The following ERBB4 variants were observed in gnomAD, a reference collection of about 807,000 sequenced individuals.
ERBB4 encodes receptor tyrosine-protein kinase erbB-4.
ERBB4 carries 42 observed loss-of-function variants against 158.0 expected under a neutral mutation model. The observed-to-expected ratio is 0.27, with a 90% CI of 0.21 to 0.34. The LOEUF (loss-of-function observed/expected upper bound fraction) is 0.34. ERBB4 is among the 10% of genes least tolerant of loss of function. The pLI, the probability that ERBB4 is intolerant of heterozygous loss-of-function variation, is 1.00. For synonymous variants in ERBB4, 583 were observed against 558.7 expected, an observed-to-expected ratio of 1.04 and a Z score of -0.61; for missense variants, 1,333 against 1,624.1, an observed-to-expected ratio of 0.82 and a Z score of 3.08.
chr2:211,443,619 G>A (rs891449553), intron 20 of ERBB4, among the ~76,000 whole-genome samples: 1 of 152,004 alleles, frequency 6.6e-6, no homozygotes, highest in African/African-American at 2.4e-5. Context: ...ACCCATTCCT[G>A]TTTATCATTG....
intron 2 of ERBB4, among the ~76,000 whole-genome samples, chr2:211,976,301 C>G (rs866141734): frequency 6.6e-6 from 1 of 152,272 alleles, no homozygotes; most frequent in East Asian, 1.9e-4. Context: ...CTTAATTGTT[C>G]AGTGATAAAG....
At chr2:212,236,115 G>C (rs961672650) in intron 1 of ERBB4, among the ~76,000 whole-genome samples, 31 of 152,174 alleles carry the variant, frequency 2.0e-4, no homozygotes, top group African/African-American at 7.0e-4. Context: ...GTCATAAAGA[G>C]CTCTTATTAT....
At position 212,286,918 on chromosome 2, in the gene ERBB4, T is replaced by A. The variant is rs1466917254; in HGVS notation, c.83-162015A>T. Among the ~76,000 whole-genome samples, 4 of 151,146 alleles carry A rather than the reference T, an allele frequency of 2.6e-5. No homozygotes were observed. In the East Asian group the frequency reaches 7.8e-4, roughly 29 times the overall value. ...GAGCCACCGTGCACAGCCAGTGACT[T>A]CTTAATATATATCCTAAAGCGCAAG... On this transcript the variant is annotated intron_variant, in intron 1 of 27. Transcript: ENST00000342788.
At chr2:211,579,830 A>G (rs2068013940) in intron 19 of ERBB4, among the ~76,000 whole-genome samples, 1 of 152,102 alleles carries the variant, frequency 6.6e-6, no homozygotes, top group Admixed American at 6.6e-5. Flanking sequence ...GAACATTAGG[A>G]AAAATAGCTA....
At chr2:212,331,277 C>G (rs1043801841) in intron 1 of ERBB4, among the ~76,000 whole-genome samples, 3 of 150,694 alleles carry the variant, frequency 2.0e-5, no homozygotes, top group Non-Finnish European at 4.4e-5. Flanking sequence ...TATAATATAA[C>G]TAGTATGAAT....
chr2:212,412,872 AC>A (rs2091536927), intron 1 of ERBB4, among the ~76,000 whole-genome samples: 1 of 152,214 alleles, frequency 6.6e-6, no homozygotes, highest in South Asian at 2.1e-4. Flanking sequence ...TTCACTAATT[AC>A]CCAAGTTTGC....
At chr2:212,322,036 T>C (rs1180070496) in intron 1 of ERBB4, among the ~76,000 whole-genome samples, 1 of 150,582 alleles carries the variant, frequency 6.6e-6, no homozygotes, top group African/African-American at 2.4e-5. Context: ...ACAGAGTGGA[T>C]ACAATATTTA....
chr2:212,474,261 T>C (rs1035168263), intron 1 of ERBB4, among the ~76,000 whole-genome samples: 2 of 151,826 alleles, frequency 1.3e-5, no homozygotes, highest in Admixed American at 6.6e-5. Context: ...ACTTTGCAAA[T>C]AGGGGTCCAG....
intron 3 of ERBB4, among the ~76,000 whole-genome samples, chr2:211,792,691 A>G (rs954212587): frequency 6.6e-6 from 1 of 151,824 alleles, no homozygotes; most frequent in Admixed American, 6.6e-5. Context: ...TTGTCCTTAC[A>G]TTTTTCAGAA....
chr2:212,316,529 CA>C (rs2087287502), intron 1 of ERBB4, among the ~76,000 whole-genome samples: 1 of 151,520 alleles, frequency 6.6e-6, no homozygotes, highest in South Asian at 2.1e-4. Flanking sequence ...AGTAAGCTTT[CA>C]GGTGAATTTA....
intron 2 of ERBB4, among the ~76,000 whole-genome samples, chr2:211,967,766 T>G (rs1031350784): frequency 6.6e-6 from 1 of 152,034 alleles, no homozygotes; most frequent in African/African-American, 2.4e-5. Flanking sequence ...TATATTGTTT[T>G]TTCATTGAAT....
chr2:211,550,435 T>G (rs1337361053), intron 20 of ERBB4, among the ~76,000 whole-genome samples: 1 of 151,528 alleles, frequency 6.6e-6, no homozygotes, highest in Non-Finnish European at 1.5e-5. Flanking sequence ...CTGATTAACA[T>G]GAGGAAAGAG....
chr2:211,704,311 G>A (rs938344525), intron 10 of ERBB4, 117 bp from the exon 11 acceptor site: 3 of 726,888 alleles, frequency 4.1e-6, no homozygotes, highest in Middle Eastern at 3.2e-4. Flanking sequence ...AAGGGGTAGT[G>A]AACATTTCTA....
chr2:211,841,847 G>A (rs1157669405), intron 3 of ERBB4, among the ~76,000 whole-genome samples: 1 of 152,050 alleles, frequency 6.6e-6, no homozygotes, highest in Non-Finnish European at 1.5e-5. Flanking sequence ...GTATTCATCA[G>A]TTGCACAGTG....
At chr2:212,246,733 G>A (rs912275979) in intron 1 of ERBB4, among the ~76,000 whole-genome samples, 1 of 152,152 alleles carries the variant, frequency 6.6e-6, no homozygotes, top group Non-Finnish European at 1.5e-5. Context: ...TGAGGAATAA[G>A]TACTCAAGAA....
At chr2:211,899,402 C>A (rs2079177350) in intron 3 of ERBB4, among the ~76,000 whole-genome samples, 1 of 151,978 alleles carries the variant, frequency 6.6e-6, no homozygotes, top group South Asian at 2.1e-4. Flanking sequence ...TAAATTCGGG[C>A]AATTCATCTA....
At chr2:212,432,201 C>A (rs2092045731) in intron 1 of ERBB4, among the ~76,000 whole-genome samples, 1 of 152,002 alleles carries the variant, frequency 6.6e-6, no homozygotes, top group Non-Finnish European at 1.5e-5. Flanking sequence ...TTTCAATGGT[C>A]ATAATAAAAT....
At chr2:212,385,629 G>C (rs1653443531) in intron 1 of ERBB4, among the ~76,000 whole-genome samples, 1 of 151,666 alleles carries the variant, frequency 6.6e-6, no homozygotes. Flanking sequence ...ACACCTTTCT[G>C]CTTGCTGTTA....
chr2:212,215,221 TC>T (rs1480760364), intron 1 of ERBB4, among the ~76,000 whole-genome samples: 1 of 151,512 alleles, frequency 6.6e-6, no homozygotes. Flanking sequence ...CAATCTTCTG[TC>T]CATATGTAGT....
Sources: allele counts gnomAD v4.1 joint callset (sites outside exome capture counted in the v4.1 genomes callset), GRCh38; gene constraint gnomAD v4.1.1; transcripts MANE v1.5; gene names NCBI Gene and HGNC (gene_info 2026-07-23, HGNC 2026-07-21).